MTUS2: variants seen among roughly 807,000 people sequenced by gnomAD.
The protein encoded by MTUS2 is microtubule associated scaffold protein 2.
MTUS2 carries 40 observed loss-of-function variants against 114.1 expected under a neutral mutation model. The observed-to-expected ratio is 0.35, with a 90% CI of 0.27 to 0.46. MTUS2 has a LOEUF of 0.46. Among genes scored for constraint, MTUS2 ranks in the 20% least tolerant of loss-of-function variants. The probability of loss-of-function intolerance (pLI) is 1.00; values close to 1 mark genes in which losing one functional copy is unlikely to be tolerated. For synonymous variants in MTUS2, 688 were observed against 672.0 expected, an observed-to-expected ratio of 1.02 and a Z score of -0.37; for missense variants, 1,679 against 1,705.4, an observed-to-expected ratio of 0.98 and a Z score of 0.27.
intron 5 of MTUS2, among the ~76,000 whole-genome samples, chr13:29,170,370 A>G (rs1893505243): frequency 6.6e-6 from 1 of 152,196 alleles, no homozygotes; most frequent in African/African-American, 2.4e-5. Context: ...AAATTGTGTG[A>G]GCAGTAACAA....
chr13:29,439,717 A>G (rs1877688732), intron 8 of MTUS2, among the ~76,000 whole-genome samples: 2 of 152,226 alleles, frequency 1.3e-5, no homozygotes, highest in Non-Finnish European at 2.9e-5. Context: ...TTAATGCAGG[A>G]TGATATACAG....
At chr13:28,913,484 G>A (rs2984452) in intron 2 of MTUS2, among the ~76,000 whole-genome samples, 19,335 of 152,080 alleles carry the variant, frequency 0.13, 1,479 homozygotes, top group African/African-American at 0.2. Flanking sequence ...TGGTGGGTAA[G>A]TTTTTTGATG....
At chr13:29,235,110 T>C (rs533824223) in intron 5 of MTUS2, among the ~76,000 whole-genome samples, 1 of 152,254 alleles carries the variant, frequency 6.6e-6, no homozygotes, top group East Asian at 1.9e-4. Flanking sequence ...TAATTAATTT[T>C]TTTGAGACCT....
At chr13:29,229,795 T>C (rs1896252594) in intron 5 of MTUS2, among the ~76,000 whole-genome samples, 1 of 152,252 alleles carries the variant, frequency 6.6e-6, no homozygotes, top group African/African-American at 2.4e-5. Flanking sequence ...TGTGTACATT[T>C]CTTCCTTATT....
chr13:29,223,978 G>T (rs1896008196), intron 5 of MTUS2, among the ~76,000 whole-genome samples: 1 of 152,242 alleles, frequency 6.6e-6, no homozygotes, highest in African/African-American at 2.4e-5. Flanking sequence ...TGTCTGCCCT[G>T]CTGCAGCCAC....
intron 8 of MTUS2, chr13:29,428,660 C>T (rs760548768): frequency 1.6e-5 from 21 of 1,288,714 alleles, no homozygotes; most frequent in Non-Finnish European, 2.0e-5. Context: ...TCTCCTCCTC[C>T]TCTCATTCCT....
At chr13:29,086,342 A>G (rs913575708) in intron 4 of MTUS2, among the ~76,000 whole-genome samples, 20 of 152,122 alleles carry the variant, frequency 1.3e-4, no homozygotes, top group African/African-American at 4.6e-4. Flanking sequence ...TTTATCATGA[A>G]ATCTTTGCCA....
chr13:29,466,876 C>CAAAAAAAA (rs11296600), intron 9 of MTUS2, among the ~76,000 whole-genome samples: 91 of 87,496 alleles, frequency 1.0e-3, no homozygotes, highest in Non-Finnish European at 1.2e-3. Flanking sequence ...GACCTCATCT[C>CAAAAAAAA]AAAAAAAAAA....
At chr13:29,323,501 C>T (rs969100462) in intron 6 of MTUS2, among the ~76,000 whole-genome samples, 5 of 152,130 alleles carry the variant, frequency 3.3e-5, no homozygotes, top group East Asian at 1.9e-4. Context: ...CCGCCTGCCT[C>T]GGCCTCCCAA....
chr13:29,441,279 C>G (rs920110103), intron 9 of MTUS2, among the ~76,000 whole-genome samples: 1 of 152,068 alleles, frequency 6.6e-6, no homozygotes, highest in African/African-American at 2.4e-5. Context: ...GTGTGAGGAA[C>G]CCTGGAAAGC....
chr13:29,469,406 A>G (rs1880108027), intron 9 of MTUS2, among the ~76,000 whole-genome samples: 1 of 152,188 alleles, frequency 6.6e-6, no homozygotes. Context: ...AGGCTGGTGG[A>G]TCACGAGGTC....
At chr13:29,432,463 A>C (rs765772125) in intron 8 of MTUS2, among the ~76,000 whole-genome samples, 2 of 152,358 alleles carry the variant, frequency 1.3e-5, no homozygotes, top group Non-Finnish European at 2.9e-5. Context: ...AACAATACGA[A>C]ATATAACTGA....
At chr13:28,910,464 C>T (rs187530290) in intron 2 of MTUS2, among the ~76,000 whole-genome samples, 41 of 152,012 alleles carry the variant, frequency 2.7e-4, no homozygotes, top group Middle Eastern at 3.4e-3. Flanking sequence ...GGTGGTTTGC[C>T]GCGTAGATCA....
chr13:29,160,095 A>G (rs1009226696), intron 5 of MTUS2, among the ~76,000 whole-genome samples: 1 of 152,228 alleles, frequency 6.6e-6, no homozygotes, highest in Non-Finnish European at 1.5e-5. Context: ...GAAATAATCC[A>G]GAAGGCCTTC....
chr13:29,393,515 C>T (rs1873671595), intron 8 of MTUS2, among the ~76,000 whole-genome samples: 1 of 152,186 alleles, frequency 6.6e-6, no homozygotes. Flanking sequence ...CAGCAAGATG[C>T]TGAGTCCTTC....
At chr13:28,860,796 C>T (rs1327186433) in intron 2 of MTUS2, among the ~76,000 whole-genome samples, 1 of 152,194 alleles carries the variant, frequency 6.6e-6, no homozygotes, top group Non-Finnish European at 1.5e-5. Context: ...TTTTTGCAAA[C>T]ACTTGGGGTT....
intron 6 of MTUS2, among the ~76,000 whole-genome samples, chr13:29,296,897 G>T (rs1381184609): frequency 2.0e-5 from 3 of 151,998 alleles, no homozygotes; most frequent in African/African-American, 7.2e-5. Context: ...TCTGTAGGTT[G>T]TATCTTCAGC....
At chr13:29,332,528 T>TC (rs143632119) in intron 7 of MTUS2, among the ~76,000 whole-genome samples, 11,466 of 152,134 alleles carry the variant, frequency 0.075, 1,373 homozygotes, top group African/African-American at 0.25. Context: ...CATTGATTTT[T>TC]TTGAAGGGTT....
intron 2 of MTUS2, among the ~76,000 whole-genome samples, chr13:28,902,643 G>A (rs1488899938): frequency 3.3e-5 from 5 of 152,082 alleles, no homozygotes; most frequent in African/African-American, 1.2e-4. Flanking sequence ...ATTTTCAAAT[G>A]TGGAACCAGC....
Sources: gnomAD v4.1 joint callset for allele counts (sites outside exome capture counted in the v4.1 genomes callset) on GRCh38, gnomAD v4.1.1 for gene constraint, MANE v1.5 for transcripts, NCBI Gene and HGNC (gene_info 2026-07-23, HGNC 2026-07-21) for gene names.